The following PRKG1 variants were observed in gnomAD, a reference collection of about 807,000 sequenced individuals.
PRKG1 encodes cGMP-dependent protein kinase 1.
PRKG1 carries 35 observed loss-of-function variants against 88.1 expected under a neutral mutation model. The ratio of observed to expected loss-of-function variants is 0.40; its 90% CI spans 0.30 to 0.53. PRKG1 has a LOEUF of 0.53. Among genes scored for constraint, PRKG1 ranks in the 20% least tolerant of loss-of-function variants. The pLI, the probability that PRKG1 is intolerant of heterozygous loss-of-function variation, is 0.59. For missense variants in PRKG1, 540 were observed against 839.8 expected (o/e 0.64, Z 4.41); for synonymous variants, 303 against 292.5 (o/e 1.04, Z -0.37).
At chr10:51,099,014 G>C (rs937951073) in intron 1 of PRKG1, among the ~76,000 whole-genome samples, 4 of 152,146 alleles carry the variant, frequency 2.6e-5, no homozygotes, top group African/African-American at 9.7e-5. Flanking sequence ...TTTTCCTCCA[G>C]CGTTCCTTGC....
chr10:52,150,174 A>ATTATT (rs1554810270), intron 8 of PRKG1, among the ~76,000 whole-genome samples: 4 of 104,896 alleles, frequency 3.8e-5, no homozygotes, highest in African/African-American at 1.4e-4. Context: ...TAATAATAAT[A>ATTATT]ATAATAATAA....
chr10:51,645,184 C>T (rs1349090715), intron 3 of PRKG1, among the ~76,000 whole-genome samples: 2 of 152,090 alleles, frequency 1.3e-5, no homozygotes, highest in African/African-American at 4.8e-5. Flanking sequence ...TTATCTTTTT[C>T]CCTTATGTTA....
chr10:52,001,722 C>G (rs954451771), intron 5 of PRKG1, among the ~76,000 whole-genome samples: 10 of 151,932 alleles, frequency 6.6e-5, no homozygotes, highest in African/African-American at 2.4e-4. Context: ...ATAAAAATAA[C>G]CTCTACCACC....
At chr10:51,778,197 A>G (rs1589278626) in intron 3 of PRKG1, among the ~76,000 whole-genome samples, 1 of 152,120 alleles carries the variant, frequency 6.6e-6, no homozygotes, top group South Asian at 2.1e-4. Flanking sequence ...GGAATGTGCC[A>G]CATTTTGCCA....
intron 3 of PRKG1, among the ~76,000 whole-genome samples, chr10:51,523,819 C>A (rs1038345488): frequency 1.3e-5 from 2 of 152,112 alleles, no homozygotes; most frequent in African/African-American, 2.4e-5. Context: ...TTGCAATTGT[C>A]TTCTAATAAT....
At chr10:51,465,785 G>C (rs1465695405) in intron 2 of PRKG1, among the ~76,000 whole-genome samples, 2 of 152,130 alleles carry the variant, frequency 1.3e-5, no homozygotes, top group Non-Finnish European at 2.9e-5. Flanking sequence ...AGTTTCTGTA[G>C]TAGATGATGG....
At chr10:52,290,592 A>G (rs888909491) in intron 17 of PRKG1, among the ~76,000 whole-genome samples, 1 of 152,194 alleles carries the variant, frequency 6.6e-6, no homozygotes, top group African/African-American at 2.4e-5. Context: ...ATAGAAATGC[A>G]GACAAAAATA....
At chr10:52,026,337 T>A (rs1465737429) in intron 5 of PRKG1, among the ~76,000 whole-genome samples, 1 of 152,200 alleles carries the variant, frequency 6.6e-6, no homozygotes, top group Non-Finnish European at 1.5e-5. Flanking sequence ...AGTAATTAAC[T>A]AAATTACACT....
rs544582508 is a variant in PRKG1 at position 51,570,081 on chromosome 10, T to G, written c.592+102245T>G. 3.2e-3 allele frequency among the ~76,000 whole-genome samples: 387 copies of G among 121,898 alleles called. 33 individuals are homozygous for G. Among genetic ancestry groups the G allele is most frequent in the African/African-American group, 0.013 (349 of 27,192 alleles). The allele number at this position is 121,898 out of a possible 152,430, so 80.0% of individuals were successfully genotyped here. A position where few individuals can be genotyped will look rare whatever the true frequency, so the allele number is the denominator to read the frequency against. On this transcript the variant is annotated intron_variant, in intron 3 of 17. Transcript: ENST00000373980. ...TATATATATATATGTGTGTGTGTGTTTATATATGTATATATATGATATAAG... is the reference window on the plus strand; with the variant it reads ...TATATATATATATGTGTGTGTGTGTGTATATATGTATATATATGATATAAG...
intron 7 of PRKG1, among the ~76,000 whole-genome samples, chr10:52,071,824 G>A (rs933160751): frequency 1.2e-4 from 19 of 152,276 alleles, no homozygotes; most frequent in African/African-American, 4.6e-4. Flanking sequence ...GCAAAGATAC[G>A]TTTTAGCTTA....
intron 7 of PRKG1, among the ~76,000 whole-genome samples, chr10:52,114,557 A>ACTATATATATATATAC (rs1554805858): frequency 1.3e-5 from 2 of 149,972 alleles, no homozygotes; most frequent in African/African-American, 5.0e-5. Context: ...TAATATGCTG[A>ACTATATATATATATAC]ATATATATAT....
chr10:51,126,374 TAGTATTTATATATTTATA>T (rs1360728464), intron 1 of PRKG1, among the ~76,000 whole-genome samples: 1 of 135,736 alleles, frequency 7.4e-6, no homozygotes, highest in African/African-American at 2.7e-5. Context: ...TTATATTTTA[TAGTATTTATATATTTATA>T]ATTATTTATA....
At chr10:51,776,579 C>G (rs939024970) in intron 3 of PRKG1, among the ~76,000 whole-genome samples, 2 of 152,154 alleles carry the variant, frequency 1.3e-5, no homozygotes, top group African/African-American at 4.8e-5. Context: ...AAACCCAGTA[C>G]TTTGCAAAGC....
intron 2 of PRKG1, among the ~76,000 whole-genome samples, chr10:51,390,791 C>T (rs1172588818): frequency 6.6e-6 from 1 of 152,112 alleles, no homozygotes; most frequent in East Asian, 1.9e-4. Flanking sequence ...AATTTTGCCT[C>T]GAGGGAACAT....
At chr10:52,084,301 T>C (rs1846856521) in intron 7 of PRKG1, among the ~76,000 whole-genome samples, 1 of 152,018 alleles carries the variant, frequency 6.6e-6, no homozygotes, top group Non-Finnish European at 1.5e-5. Context: ...TCAAGACAAA[T>C]GAGATGAAAG....
At chr10:51,420,131 G>A (rs1664569366) in intron 2 of PRKG1, among the ~76,000 whole-genome samples, 1 of 152,098 alleles carries the variant, frequency 6.6e-6, no homozygotes, top group African/African-American at 2.4e-5. Context: ...TGGAAACTGG[G>A]GGAGACCTCA....
intron 5 of PRKG1, among the ~76,000 whole-genome samples, chr10:52,029,513 C>A (rs1564437217): frequency 6.6e-6 from 1 of 152,040 alleles, no homozygotes; most frequent in Admixed American, 6.6e-5. Flanking sequence ...GTGCCTGTGT[C>A]AAAATAAACA....
At chr10:51,875,496 C>G (rs930963060) in intron 4 of PRKG1, among the ~76,000 whole-genome samples, 2 of 152,032 alleles carry the variant, frequency 1.3e-5, no homozygotes, top group Non-Finnish European at 1.5e-5. Flanking sequence ...TGGTCTTGAA[C>G]TCCTGAGCTC....
chr10:51,214,406 T>C (rs2132078936), intron 2 of PRKG1, among the ~76,000 whole-genome samples: 1 of 152,348 alleles, frequency 6.6e-6, no homozygotes, highest in African/African-American at 2.4e-5. Context: ...GTATGAATTA[T>C]CTGTACTTTG....
Sources: gnomAD v4.1 joint callset for allele counts (sites outside exome capture counted in the v4.1 genomes callset) on GRCh38, gnomAD v4.1.1 for gene constraint, MANE v1.5 for transcripts, NCBI Gene and HGNC (gene_info 2026-07-23, HGNC 2026-07-21) for gene names.